The following SORT1 variants were observed in gnomAD, a reference collection of about 807,000 sequenced individuals.
SORT1 encodes sortilin 1, also known as sortilin.
In SORT1, 39 loss-of-function variants were observed where a neutral mutation model predicts 101.7. That is an observed-to-expected ratio of 0.38 (90% CI 0.30 to 0.50). SORT1 has a LOEUF of 0.50. Ranked by LOEUF, SORT1 falls within the 20% of genes least tolerant of loss-of-function variation. The pLI, the probability that SORT1 is intolerant of heterozygous loss-of-function variation, is 0.90. For missense variants in SORT1, 878 were observed against 1,040.4 expected (o/e 0.84, Z 2.15); for synonymous variants, 396 against 393.7 (o/e 1.01, Z -0.07).
At chr1:109,373,294 C>G (rs1182297724) in intron 1 of SORT1, among the ~76,000 whole-genome samples, 2 of 152,048 alleles carry the variant, frequency 1.3e-5, no homozygotes, top group African/African-American at 4.8e-5. Flanking sequence ...GCTGATATAT[C>G]GTCTGGGGAG....
At chr1:109,377,554 CAT>C (rs1449887475) in intron 1 of SORT1, among the ~76,000 whole-genome samples, 2 of 152,214 alleles carry the variant, frequency 1.3e-5, no homozygotes, top group African/African-American at 2.4e-5. Context: ...GATGTTCACA[CAT>C]GATGGTGACC....
At chr1:109,355,709 T>A (rs1485737278) in intron 3 of SORT1, among the ~76,000 whole-genome samples, 1 of 132,626 alleles carries the variant, frequency 7.5e-6, no homozygotes. Context: ...TGACTCAGGA[T>A]GAGCCAATGG....
At position 109,313,976 on chromosome 1, in the gene SORT1, G is replaced by A. The variant is rs1658874595; in HGVS notation, c.*67C>T. The A allele has an allele frequency of 1.3e-6, 2 of 1,493,652 alleles. No homozygotes were observed. Among genetic ancestry groups the A allele is most frequent in the African/African-American group, 2.8e-5 (2 of 72,078 alleles). 92.5% of individuals were successfully genotyped at this position (1,493,652 alleles called of 1,614,324 possible). On this transcript the variant is annotated 3_prime_UTR_variant, in exon 20 of 20. Coordinates refer to ENST00000256637, the MANE Select transcript of SORT1 (RefSeq NM_002959.7). Reference sequence around the variant, plus strand: ...ATGGGAAATTTATTTCCTGAAGTTGGAGCCACAGGGAGTGTAAGAGGTACT... The same window carrying A: ...ATGGGAAATTTATTTCCTGAAGTTGAAGCCACAGGGAGTGTAAGAGGTACT...
chr1:109,336,366 C>T lies in SORT1; in HGVS notation c.1265-20G>A, dbSNP rs774003514. On this transcript the variant is annotated intron_variant, in intron 10 of 19. Coordinates refer to ENST00000256637, the MANE Select transcript of SORT1 (RefSeq NM_002959.7). ...AATTATCTGAATGGGAAGAGAACAA[C>T]ATTAAGTCTGATACACTGGAAGTAC... 3.4e-6 allele frequency: 5 copies of T among 1,464,892 alleles called. No individual in the cohort carries two copies. The highest frequency in any genetic ancestry group is 3.3e-5 in the Admixed American group (2 of 59,826). The allele number at this position is 1,464,892 out of a possible 1,614,324, so 90.7% of individuals were successfully genotyped here. A position where few individuals can be genotyped will look rare whatever the true frequency, so the allele number is the denominator to read the frequency against.
chr1:109,333,276 G>A (rs1488536114), intron 11 of SORT1, among the ~76,000 whole-genome samples: 1 of 152,090 alleles, frequency 6.6e-6, no homozygotes, highest in Admixed American at 6.6e-5. Flanking sequence ...ATGGATTAGA[G>A]ACATAAATGT....
chr1:109,325,544 ATTTTAAC>A (rs1162222313), intron 13 of SORT1, among the ~76,000 whole-genome samples: 2 of 152,218 alleles, frequency 1.3e-5, no homozygotes, highest in East Asian at 3.9e-4. Flanking sequence ...CCAGCCAACT[ATTTTAAC>A]TTTTAACGTC....
chr1:109,397,795 C>A lies in SORT1; in HGVS notation c.98G>T (p.Ser33Ile). The A allele has an allele frequency of 7.9e-7, 1 of 1,264,600 alleles. No homozygotes were observed. The highest frequency in any genetic ancestry group is 1.0e-6 in the Non-Finnish European group (1 of 997,656). 78.3% of individuals were successfully genotyped at this position (1,264,600 alleles called of 1,614,324 possible). The change falls in exon 1 of 20, where the codon AGC becomes ATC. Residue 33 changes from serine to isoleucine, a missense_variant. Coordinates refer to ENST00000256637, the MANE Select transcript of SORT1 (RefSeq NM_002959.7). ...LLQLLPPSTL[S>I]QDRLDAPPPP... ...CGGCGGCGCGTCCAGCCGGTCCTGG[C>A]TGAGGGTCGACGGCGGCAGCAGCTG... is the stretch of plus-strand genomic sequence containing the variant.
At chr1:109,347,149 G>A (rs1649660831) in intron 7 of SORT1, among the ~76,000 whole-genome samples, 1 of 152,244 alleles carries the variant, frequency 6.6e-6, no homozygotes, top group African/African-American at 2.4e-5. Flanking sequence ...TGGGAAGCCA[G>A]CTGCTTCTGC....
At chr1:109,332,479 A>T (rs983369827) in intron 11 of SORT1, among the ~76,000 whole-genome samples, 9 of 152,144 alleles carry the variant, frequency 5.9e-5, no homozygotes, top group Non-Finnish European at 1.3e-4. Context: ...GGGACGTGGG[A>T]GGATTGTGTG....
chr1:109,326,440 TATATATATATATATATATATATATAC>T (rs1322572705), intron 13 of SORT1, among the ~76,000 whole-genome samples: 2 of 22,246 alleles, frequency 9.0e-5, no homozygotes, highest in Non-Finnish European at 1.8e-4. Context: ...TATATATATA[TATATATATATATATATATATATATAC>T]ATACACACAC....
chr1:109,357,911 A>C (rs1323001515), intron 3 of SORT1, among the ~76,000 whole-genome samples: 1 of 152,230 alleles, frequency 6.6e-6, no homozygotes, highest in Non-Finnish European at 1.5e-5. Context: ...AGATGTGCAT[A>C]AACAATTCCC....
intron 17 of SORT1, among the ~76,000 whole-genome samples, chr1:109,316,003 C>T (rs1647203004): frequency 6.6e-6 from 1 of 151,918 alleles, no homozygotes; most frequent in Non-Finnish European, 1.5e-5. Context: ...CAACTGATCT[C>T]CCCACCTCAG....
intron 13 of SORT1, among the ~76,000 whole-genome samples, chr1:109,326,468 TACACACACACACACAC>T (rs758005459): frequency 1.4e-4 from 9 of 62,660 alleles, no homozygotes; most frequent in Admixed American, 5.7e-4. Context: ...TATATATACA[TACACACACACACACAC>T]ATATATATAC....
At chr1:109,383,118 T>A (rs1652361783) in intron 1 of SORT1, among the ~76,000 whole-genome samples, 1 of 152,202 alleles carries the variant, frequency 6.6e-6, no homozygotes, top group South Asian at 2.1e-4. Flanking sequence ...ACTTACATGT[T>A]TAGTTACACA....
intron 10 of SORT1, among the ~76,000 whole-genome samples, chr1:109,338,586 T>C (rs1264866578): frequency 1.3e-5 from 2 of 152,138 alleles, no homozygotes; most frequent in African/African-American, 4.8e-5. Flanking sequence ...TATGCACCCT[T>C]ACCAAGAAGA....
chr1:109,338,095 T>C (rs1337916925), intron 10 of SORT1, among the ~76,000 whole-genome samples: 2 of 152,066 alleles, frequency 1.3e-5, no homozygotes, highest in Non-Finnish European at 2.9e-5. Flanking sequence ...TAAAGGTGGA[T>C]TGATAGTGTG....
intron 3 of SORT1, among the ~76,000 whole-genome samples, 169 bp from the exon 4 acceptor site, chr1:109,355,638 T>G (rs1650256556): frequency 2.4e-5 from 1 of 41,318 alleles, no homozygotes; most frequent in Non-Finnish European, 4.4e-5. Context: ...CGAAGAACAT[T>G]CCACCCGCCC....
At chr1:109,362,980 C>T (rs541497490) in intron 3 of SORT1, among the ~76,000 whole-genome samples, 2 of 152,256 alleles carry the variant, frequency 1.3e-5, no homozygotes, top group South Asian at 2.1e-4. Context: ...CAGCACTTTG[C>T]ATTGTATACC....
At chr1:109,345,914 A>G in intron 7 of SORT1, 33 bp from the exon 8 acceptor site, 1 of 1,591,146 alleles carries the variant, frequency 6.3e-7, no homozygotes, top group Non-Finnish European at 8.6e-7. Context: ...TTAAAATTTC[A>G]CTTACTGGTG....
Sources: allele counts gnomAD v4.1 joint callset (sites outside exome capture counted in the v4.1 genomes callset), GRCh38; gene constraint gnomAD v4.1.1; transcripts MANE v1.5; gene names NCBI Gene and HGNC (gene_info 2026-07-23, HGNC 2026-07-21).